MAL2: variants seen among roughly 807,000 people sequenced by gnomAD.
MAL2 encodes protein MAL2.
MAL2 carries 17 observed loss-of-function variants against 18.1 expected under a neutral mutation model. The observed-to-expected ratio is 0.94, with a 90% CI of 0.64 to 1.41. The LOEUF (loss-of-function observed/expected upper bound fraction) is 1.41. Among genes scored for constraint, MAL2 ranks in the 40% most tolerant of loss-of-function variants. The probability of loss-of-function intolerance (pLI) is 0.00; values close to 1 mark genes in which losing one functional copy is unlikely to be tolerated. For missense variants in MAL2, 222 were observed against 231.9 expected (o/e 0.96, Z 0.28); for synonymous variants, 102 against 102.3 (o/e 1.00, Z 0.02).
At chr8:119,236,859 AC>A (rs1441923656) in intron 2 of MAL2, among the ~76,000 whole-genome samples, 2 of 151,146 alleles carry the variant, frequency 1.3e-5, no homozygotes, top group African/African-American at 2.5e-5. Flanking sequence ...CAAAATTGAC[AC>A]CCTAACATCA....
At chr8:119,230,359 T>C (rs1399815582) in intron 2 of MAL2, among the ~76,000 whole-genome samples, 2 of 151,628 alleles carry the variant, frequency 1.3e-5, no homozygotes, top group African/African-American at 4.9e-5. Context: ...AGAAATAGGA[T>C]TGGACAGGAA....
chr8:119,227,570 G>A (rs1234189630), intron 2 of MAL2, among the ~76,000 whole-genome samples: 2 of 152,204 alleles, frequency 1.3e-5, no homozygotes, highest in Non-Finnish European at 2.9e-5. Context: ...CTCATGCATT[G>A]TAGCAGATCG....
chr8:119,234,358 G>GCAAGGC (rs1331886549), intron 2 of MAL2, among the ~76,000 whole-genome samples: 3 of 152,182 alleles, frequency 2.0e-5, no homozygotes, highest in Non-Finnish European at 4.4e-5. Flanking sequence ...AGATCAAACT[G>GCAAGGC]CAAGGCGGCA....
intron 2 of MAL2, among the ~76,000 whole-genome samples, chr8:119,238,458 G>A (rs1426123526): frequency 1.4e-4 from 22 of 152,138 alleles, no homozygotes; most frequent in African/African-American, 4.1e-4. Flanking sequence ...AAAAGAGCCC[G>A]CATCGCCAAG....
At chr8:119,233,849 C>A (rs1025681047) in intron 2 of MAL2, among the ~76,000 whole-genome samples, 4 of 151,934 alleles carry the variant, frequency 2.6e-5, no homozygotes, top group African/African-American at 9.7e-5. Context: ...ATCCTGATAC[C>A]AAAGCCGGGA....
intron 2 of MAL2, among the ~76,000 whole-genome samples, chr8:119,229,312 TC>T (rs1309165646): frequency 5.4e-5 from 3 of 55,410 alleles, no homozygotes; most frequent in African/African-American, 1.8e-4. Flanking sequence ...ACTGTGGGCC[TC>T]TTTTTTTTTT....
At chr8:119,234,117 C>T (rs1398967210) in intron 2 of MAL2, among the ~76,000 whole-genome samples, 7 of 152,124 alleles carry the variant, frequency 4.6e-5, no homozygotes, top group African/African-American at 1.2e-4. Flanking sequence ...GTGCGCGAGC[C>T]GAAGCAGGGC....
At chr8:119,235,592 C>T (rs1473237898) in intron 2 of MAL2, among the ~76,000 whole-genome samples, 2 of 152,026 alleles carry the variant, frequency 1.3e-5, no homozygotes, top group Admixed American at 6.6e-5. Context: ...AGACTAACAG[C>T]GGGTCTCTTG....
chr8:119,214,438 A>G (rs1240705837), intron 1 of MAL2, among the ~76,000 whole-genome samples: 12 of 152,180 alleles, frequency 7.9e-5, no homozygotes, highest in Non-Finnish European at 1.8e-4. Flanking sequence ...TATAATAGCT[A>G]TGAGAAGGAG....
intron 2 of MAL2, among the ~76,000 whole-genome samples, chr8:119,232,187 A>T (rs935473541): frequency 6.6e-6 from 1 of 152,202 alleles, no homozygotes; most frequent in African/African-American, 2.4e-5. Flanking sequence ...ATAAATATTT[A>T]AAAACATGTA....
chr8:119,230,291 G>A (rs533860323), intron 2 of MAL2, among the ~76,000 whole-genome samples: 8 of 152,210 alleles, frequency 5.3e-5, no homozygotes, highest in Non-Finnish European at 1.5e-5. Flanking sequence ...CCAAGCATAT[G>A]GAGTGAGAAG....
At chr8:119,237,101 G>A (rs1018789027) in intron 2 of MAL2, among the ~76,000 whole-genome samples, 5 of 152,120 alleles carry the variant, frequency 3.3e-5, no homozygotes, top group African/African-American at 1.2e-4. Flanking sequence ...AAATGACAAA[G>A]GGGATATCAG....
Position 119,244,387 on chromosome 8 carries a change from T to C in MAL2, c.*899T>C, listed in dbSNP as rs537604515. The C allele has an allele frequency of 7.2e-5, 11 of 152,310 alleles. No individual in the cohort carries two copies. In the East Asian group the frequency reaches 2.1e-3, roughly 29 times the overall value. The allele number at this position is 152,310 out of a possible 1,614,324, so 9.4% of individuals were successfully genotyped here. A position where few individuals can be genotyped will look rare whatever the true frequency, so the allele number is the denominator to read the frequency against. On this transcript the variant is annotated 3_prime_UTR_variant, in exon 4 of 4. Coordinates refer to ENST00000614891, the MANE Select transcript of MAL2 (RefSeq NM_052886.3). ...AACTTCAGTTGCTTAATCAAACTAA[T>C]GATAGTCTAACAACTGAGCAAGATC...
chr8:119,236,417 T>C (rs1817895224), intron 2 of MAL2, among the ~76,000 whole-genome samples: 1 of 151,626 alleles, frequency 6.6e-6, no homozygotes, highest in Admixed American at 6.6e-5. Context: ...TACCCAGGAA[T>C]TGAACTCAGC....
At chr8:119,241,311 T>C (rs1818042928) in intron 3 of MAL2, among the ~76,000 whole-genome samples, 1 of 152,106 alleles carries the variant, frequency 6.6e-6, no homozygotes, top group African/African-American at 2.4e-5. Flanking sequence ...GAGGACTGCT[T>C]GAGGCCAAGA....
chr8:119,240,362 C>G, intron 3 of MAL2, 42 bp downstream of exon 3: 1 of 1,595,278 alleles, frequency 6.3e-7, no homozygotes, highest in Non-Finnish European at 8.6e-7. Context: ...CCAGCACTTC[C>G]GCTCCACTGT....
At chr8:119,236,527 T>A (rs1393840016) in intron 2 of MAL2, among the ~76,000 whole-genome samples, 1 of 151,142 alleles carries the variant, frequency 6.6e-6, no homozygotes, top group Non-Finnish European at 1.5e-5. Flanking sequence ...ATTCCAAAAT[T>A]GACCACATAG....
At position 119,244,745 on chromosome 8, in the gene MAL2, T is replaced by TG. The variant is rs1336223704; in HGVS notation, c.*1257_*1258insG. On this transcript the variant is annotated 3_prime_UTR_variant, in exon 4 of 4. Coordinates refer to ENST00000614891, the MANE Select transcript of MAL2 (RefSeq NM_052886.3). ...GCACTGGTGACAGACAAAATCTGTT[T>TG]TAAAATCATATCCAGCACAAAAACT... 2.0e-5 allele frequency: 3 copies of TG among 152,328 alleles called. No homozygotes were observed. The highest frequency in any genetic ancestry group is 4.4e-5 in the Non-Finnish European group (3 of 68,036). The allele number at this position is 152,328 out of a possible 1,614,324, so 9.4% of individuals were successfully genotyped here.
intron 2 of MAL2, among the ~76,000 whole-genome samples, chr8:119,226,991 T>G (rs1471577386): frequency 6.6e-6 from 1 of 152,150 alleles, no homozygotes; most frequent in Non-Finnish European, 1.5e-5. Context: ...AATAGTACAC[T>G]CAGGATGGCC....
Sources: gnomAD v4.1 joint callset for allele counts (sites outside exome capture counted in the v4.1 genomes callset) on GRCh38, gnomAD v4.1.1 for gene constraint, MANE v1.5 for transcripts, NCBI Gene and HGNC (gene_info 2026-07-23, HGNC 2026-07-21) for gene names.